The following FYCO1 variants were observed in gnomAD, a reference collection of about 807,000 sequenced individuals.
FYCO1 encodes FYVE and coiled-coil domain autophagy adaptor 1.
A neutral mutation model predicts 165.1 loss-of-function variants in FYCO1; 122 were observed. That is an observed-to-expected ratio of 0.74 (90% CI 0.64 to 0.86). The LOEUF (loss-of-function observed/expected upper bound fraction) is 0.86. FYCO1 is among the 40% of genes least tolerant of loss of function. The pLI is 0.00. For missense variants in FYCO1, 1,702 were observed against 1,810.3 expected, an observed-to-expected ratio of 0.94 and a Z score of 1.09; for synonymous variants, 648 against 742.5, an observed-to-expected ratio of 0.87 and a Z score of 2.07.
At chr3:45,927,408 C>T (rs1278777734) in intron 16 of FYCO1, among the ~76,000 whole-genome samples, 1 of 152,176 alleles carries the variant, frequency 6.6e-6, no homozygotes, top group Non-Finnish European at 1.5e-5. Flanking sequence ...AACTAAATAA[C>T]AAATTCAAAC....
Position 45,964,565 on chromosome 3 carries a change from AG to A in FYCO1, c.3151-112del, listed in dbSNP as rs1379466295. Reference sequence around the variant, plus strand: ...ATCTGGCTGGGTCACTTCTAAATGGAGGGTTGTTTCCTATTAAGTTCAAGAG... The same window carrying A: ...ATCTGGCTGGGTCACTTCTAAATGGAGGTTGTTTCCTATTAAGTTCAAGAG... On this transcript the variant is annotated intron_variant, in intron 9 of 17. Coordinates refer to ENST00000296137, the MANE Select transcript of FYCO1 (RefSeq NM_024513.4). This position sits in a 1 kb window ranked among gnomAD's most constrained non-coding sequence, Gnocchi z 4.1. The A allele has an allele frequency of 6.4e-7, 1 of 1,553,358 alleles. No individual in the cohort carries two copies. The highest frequency in any genetic ancestry group is 8.7e-7 in the Non-Finnish European group (1 of 1,151,708).
chr3:45,969,879 A>G (rs2125855242), intron 6 of FYCO1, 114 bp from the exon 7 acceptor site: 2 of 731,096 alleles, frequency 2.7e-6, no homozygotes, highest in Non-Finnish European at 4.6e-6. Context: ...TCCCAGGTAG[A>G]ATGTAAGAAA....
Position 45,966,941 on chromosome 3 carries a change from T to G in FYCO1, c.2393A>C (p.Lys798Thr), listed in dbSNP as rs1262770195. Residue 798 changes from lysine (K) to threonine (T), a missense_variant, in exon 8 of 18, where the codon AAG becomes ACG. Transcript: ENST00000296137. ...LQAQVVDLQA[K>T]MRAALDDQDK... is the part of the protein sequence containing the mutation. ...CTGGTCATCCAGGGCTGCCCGCATC[T>G]TGGCCTGGAGGTCCACCACCTGAGC... 6.2e-7 allele frequency: 1 copy of G among 1,613,630 alleles called. No individual in the cohort carries two copies. The highest frequency in any genetic ancestry group is 8.5e-7 in the Non-Finnish European group (1 of 1,180,034).
intron 14 of FYCO1, among the ~76,000 whole-genome samples, chr3:45,951,433 G>A (rs1329158640): frequency 2.0e-5 from 3 of 152,206 alleles, no homozygotes; most frequent in African/African-American, 7.2e-5. Flanking sequence ...CCACCATACT[G>A]TCTGCTCATC....
At chr3:45,923,988 T>C (rs1703206976) in intron 16 of FYCO1, among the ~76,000 whole-genome samples, 1 of 152,212 alleles carries the variant, frequency 6.6e-6, no homozygotes, top group African/African-American at 2.4e-5. Context: ...GAATCATGAC[T>C]TGGTCAGCAC....
intron 1 of FYCO1, among the ~76,000 whole-genome samples, chr3:45,988,709 A>C (rs1476479747): frequency 1.3e-5 from 2 of 152,222 alleles, no homozygotes; most frequent in South Asian, 4.1e-4. Context: ...ACAACTCAAA[A>C]TTATGTTTAA....
At chr3:45,931,307 C>T in intron 15 of FYCO1, 26 bp from the exon 16 acceptor site, 2 of 1,607,276 alleles carry the variant, frequency 1.2e-6, no homozygotes, top group Non-Finnish European at 1.7e-6. Context: ...AGAGAGGGAC[C>T]TGATTGACTG....
At position 45,968,089 on chromosome 3, in the gene FYCO1, G is replaced by C. The variant is rs1338502555; in HGVS notation, c.1245C>G (p.Thr415=). ...GCTGTCTGTTGACCTCCTCGACCTTGGTTCTCTCCCTTTCTAGGGCTTGAA... is the reference window on the plus strand; with the variant it reads ...GCTGTCTGTTGACCTCCTCGACCTTCGTTCTCTCCCTTTCTAGGGCTTGAA... ...EKLQALERER[T]KVEEVNRQQS... Residue 415 remains threonine (T), a synonymous_variant, in exon 8 of 18, where the codon ACC becomes ACG. Coordinates refer to ENST00000296137, the MANE Select transcript of FYCO1 (RefSeq NM_024513.4). 6.2e-7 allele frequency: 1 copy of C among 1,614,030 alleles called. No individual in the cohort carries two copies. The highest frequency in any genetic ancestry group is 2.2e-5 in the East Asian group (1 of 44,888).
rs4683158 is a variant in FYCO1, at chr3:45,968,585, C to G, written c.749G>C (p.Arg250Pro). 1 of 1,613,940 alleles carries G rather than the reference C, an allele frequency of 6.2e-7. No homozygotes were observed. The highest frequency in any genetic ancestry group is 1.7e-5 in the Admixed American group (1 of 60,024). ...TCTGTCCAGCTGCTGCATGCGCTCC[C>G]GTAGCTGCTTCTCCCGCACCTCCAA... ...DQLEVREKQLRERMQQLDREN... is the reference protein window; with the variant it reads ...DQLEVREKQLPERMQQLDREN... Residue 250 changes from arginine to proline, a missense_variant, in exon 8 of 18, where the codon CGG becomes CCG. Coordinates refer to ENST00000296137, the MANE Select transcript of FYCO1 (RefSeq NM_024513.4).
intron 4 of FYCO1, among the ~76,000 whole-genome samples, chr3:45,977,526 T>C (rs1575381543): frequency 6.6e-6 from 1 of 151,642 alleles, no homozygotes; most frequent in South Asian, 2.1e-4. Context: ...TCCACTTTCA[T>C]TAACTAATTC....
intron 14 of FYCO1, among the ~76,000 whole-genome samples, chr3:45,949,218 G>A (rs1002790362): frequency 3.3e-5 from 5 of 152,146 alleles, no homozygotes; most frequent in African/African-American, 1.2e-4. Context: ...CTGTACTCAG[G>A]CCACATGGAC....
At chr3:45,949,863 A>T (rs1405918799) in intron 14 of FYCO1, among the ~76,000 whole-genome samples, 1 of 152,158 alleles carries the variant, frequency 6.6e-6, no homozygotes, top group Non-Finnish European at 1.5e-5. Context: ...CTCCTCAGCC[A>T]CTAATTGATC....
intron 6 of FYCO1, among the ~76,000 whole-genome samples, chr3:45,972,501 G>A (rs554175990): frequency 2.0e-5 from 3 of 152,264 alleles, no homozygotes; most frequent in African/African-American, 7.2e-5. Context: ...GGTGTCCCAG[G>A]CCTGCTGCCC....
At chr3:45,986,957 C>T (rs1707347276) in intron 1 of FYCO1, among the ~76,000 whole-genome samples, 1 of 152,148 alleles carries the variant, frequency 6.6e-6, no homozygotes, top group Non-Finnish European at 1.5e-5. Context: ...AGCCTGGCTA[C>T]CCATCAAGGA....
At position 45,962,475 on chromosome 3, in the gene FYCO1, A is replaced by T. The variant is rs898194937; in HGVS notation, c.3270-83T>A. ...TCTAAGCTCACCCAGGACTCTAATG[A>T]GGGGTGCTACTGCCCTCCGCCATGG... On this transcript the variant is annotated intron_variant, in intron 10 of 17. Coordinates refer to ENST00000296137, the MANE Select transcript of FYCO1 (RefSeq NM_024513.4). This position sits in a 1 kb window ranked among gnomAD's most constrained non-coding sequence, Gnocchi z 4.4. 7.8e-6 allele frequency: 10 copies of T among 1,282,136 alleles called. No homozygotes were observed. Among genetic ancestry groups the T allele is most frequent in the Non-Finnish European group, 1.1e-5 (10 of 878,134 alleles). The allele number at this position is 1,282,136 out of a possible 1,614,324, so 79.4% of individuals were successfully genotyped here.
chr3:45,923,866 T>A, intron 16 of FYCO1, 101 bp from the exon 17 acceptor site: 1 of 801,942 alleles, frequency 1.2e-6, no homozygotes. Flanking sequence ...GCTGAGTGTG[T>A]TGCCTGAGGT....
rs1224639439 is a variant in FYCO1 at position 45,975,362 on chromosome 3, A to T, written c.289-17T>A. On this transcript the variant is annotated splice_polypyrimidine_tract_variant and intron_variant, in intron 4 of 17. Transcript: ENST00000296137. Reference sequence around the variant, plus strand: ...TGTTCGGAGCTGGAAAAAGCAGATTACATAGAGCCAAAGAGCTGTCAGCCT... The same window carrying T: ...TGTTCGGAGCTGGAAAAAGCAGATTTCATAGAGCCAAAGAGCTGTCAGCCT... 2 of 1,581,226 alleles carry T rather than the reference A, an allele frequency of 1.3e-6. No homozygotes were observed. The highest frequency in any genetic ancestry group is 1.7e-6 in the Non-Finnish European group (2 of 1,150,056).
chr3:45,968,888 C>A (rs763236427), intron 7 of FYCO1, among the ~76,000 whole-genome samples, 185 bp from the exon 8 acceptor site: 5 of 152,238 alleles, frequency 3.3e-5, no homozygotes, highest in Non-Finnish European at 7.3e-5. Flanking sequence ...GATTCAGCAG[C>A]ACATTCCAAA....
intron 2 of FYCO1, 132 bp from the exon 3 acceptor site, chr3:45,981,808 T>C: frequency 1.4e-6 from 1 of 708,688 alleles, no homozygotes; most frequent in Non-Finnish European, 2.6e-6. Context: ...AAAGGGTATG[T>C]AAGTATCCAT....
Sources: allele counts gnomAD v4.1 joint callset (sites outside exome capture counted in the v4.1 genomes callset), GRCh38; gene constraint gnomAD v4.1.1; non-coding constraint Gnocchi (gnomAD v3.1); transcripts MANE v1.5; gene names NCBI Gene and HGNC (gene_info 2026-07-23, HGNC 2026-07-21).